Variants in KCNK13 observed in about 807,000 individuals in gnomAD.
KCNK13 encodes potassium two pore domain channel subfamily K member 13.
A neutral mutation model predicts 23.4 loss-of-function variants in KCNK13; 12 were observed. That is an observed-to-expected ratio of 0.51 (90% CI 0.33 to 0.83). KCNK13 has a LOEUF of 0.83. Among genes scored for constraint, KCNK13 ranks in the 40% least tolerant of loss-of-function variants. The pLI is 0.02. For missense variants in KCNK13, 463 were observed against 556.3 expected, an observed-to-expected ratio of 0.83 and a Z score of 1.69; for synonymous variants, 231 against 229.5, an observed-to-expected ratio of 1.01 and a Z score of -0.06.
chr14:90,092,936 C>CAAAAAAAAA, intron 1 of KCNK13, among the ~76,000 whole-genome samples: 1 of 115,218 alleles, frequency 8.7e-6, no homozygotes, highest in Non-Finnish European at 1.8e-5. Context: ...AAAAAAAAAG[C>CAAAAAAAAA]ATCACGATAC....
intron 1 of KCNK13, among the ~76,000 whole-genome samples, chr14:90,125,146 A>G (rs1214339604): frequency 2.0e-5 from 3 of 152,164 alleles, no homozygotes. Context: ...TTTTGTCAAA[A>G]TAATAGTAAT....
intron 1 of KCNK13, among the ~76,000 whole-genome samples, chr14:90,155,481 G>T (rs1890183391): frequency 6.6e-6 from 1 of 152,192 alleles, no homozygotes; most frequent in Non-Finnish European, 1.5e-5. Context: ...GTTTCTGAAG[G>T]ATGGCTCTGG....
chr14:90,079,628 G>T (rs1028831842), intron 1 of KCNK13, among the ~76,000 whole-genome samples: 1 of 152,176 alleles, frequency 6.6e-6, no homozygotes, highest in Non-Finnish European at 1.5e-5. Flanking sequence ...CACAAATAGT[G>T]TCTCCTATAA....
At chr14:90,101,599 C>T (rs527592856) in intron 1 of KCNK13, among the ~76,000 whole-genome samples, 134 of 151,528 alleles carry the variant, frequency 8.8e-4, no homozygotes, top group South Asian at 2.3e-3. Flanking sequence ...AACCACCCTG[C>T]GCAACATGGT....
chr14:90,164,387 G>T (rs1240709407), intron 1 of KCNK13, among the ~76,000 whole-genome samples: 1 of 152,178 alleles, frequency 6.6e-6, no homozygotes, highest in Non-Finnish European at 1.5e-5. Flanking sequence ...ATTTAGCTAT[G>T]CCTAGAAGGC....
intron 1 of KCNK13, among the ~76,000 whole-genome samples, chr14:90,097,476 T>TCTGC (rs1409449641): frequency 1.3e-5 from 2 of 152,080 alleles, no homozygotes; most frequent in Admixed American, 6.6e-5. Context: ...TCATGAGGGA[T>TCTGC]CTGCCCCCTG....
At chr14:90,166,985 A>G (rs1023192342) in intron 1 of KCNK13, among the ~76,000 whole-genome samples, 1 of 152,200 alleles carries the variant, frequency 6.6e-6, no homozygotes, top group Non-Finnish European at 1.5e-5. Context: ...TGAGGTTATT[A>G]ACTGGGTCTG....
intron 1 of KCNK13, among the ~76,000 whole-genome samples, chr14:90,104,446 C>T (rs908018374): frequency 6.6e-6 from 1 of 152,222 alleles, no homozygotes; most frequent in Admixed American, 6.5e-5. Flanking sequence ...ACCATTTTCT[C>T]TCTTGGCACA....
At chr14:90,071,907 A>G (rs1202949802) in intron 1 of KCNK13, among the ~76,000 whole-genome samples, 1 of 152,010 alleles carries the variant, frequency 6.6e-6, no homozygotes, top group African/African-American at 2.4e-5. Flanking sequence ...CAAAAAAAAA[A>G]AAGAGGGAAG....
chr14:90,151,769 T>A (rs1035628150), intron 1 of KCNK13, among the ~76,000 whole-genome samples: 2 of 152,220 alleles, frequency 1.3e-5, no homozygotes, highest in African/African-American at 4.8e-5. Context: ...GTCTTAATGT[T>A]TAAGTCTTCA....
Position 90,148,200 on chromosome 14 carries a change from AG to A in KCNK13, c.335-35907del, listed in dbSNP as rs529841015. 2.0e-4 allele frequency among the ~76,000 whole-genome samples: 31 copies of A among 152,290 alleles called. No individual in the cohort carries two copies. The East Asian group carries it at 5.6e-3, about 27-fold the overall frequency. ...TAATAATAACAAGTCTTAGGTTTAC[AG>A]GGGTCCCTTTTGGAGCTTTTATTCT... On this transcript the variant is annotated intron_variant, in intron 1 of 1. Coordinates refer to ENST00000282146, the MANE Select transcript of KCNK13 (RefSeq NM_022054.4).
chr14:90,147,459 G>C (rs1890086645), intron 1 of KCNK13, among the ~76,000 whole-genome samples: 1 of 151,722 alleles, frequency 6.6e-6, no homozygotes, highest in South Asian at 2.1e-4. Context: ...CTCCTGGTTT[G>C]TGATGTTTTT....
intron 1 of KCNK13, among the ~76,000 whole-genome samples, chr14:90,138,681 A>G (rs1373882578): frequency 6.6e-6 from 1 of 152,262 alleles, no homozygotes; most frequent in Non-Finnish European, 1.5e-5. Flanking sequence ...CAAAAATGCC[A>G]TGTACGGCTG....
At chr14:90,146,772 A>G (rs1890078112) in intron 1 of KCNK13, among the ~76,000 whole-genome samples, 1 of 151,918 alleles carries the variant, frequency 6.6e-6, no homozygotes, top group Non-Finnish European at 1.5e-5. Context: ...TACACTTAAT[A>G]TGTTTATTGG....
intron 1 of KCNK13, among the ~76,000 whole-genome samples, chr14:90,094,645 C>CTTTTTT (rs778654067): frequency 1.3e-4 from 15 of 111,648 alleles, no homozygotes; most frequent in Non-Finnish European, 2.0e-4. Flanking sequence ...TCTTTTTTTT[C>CTTTTTT]TTTTTTTTTT....
chr14:90,184,141 G>T lies in KCNK13; in HGVS notation c.365G>T (p.Gly122Val). The T allele has an allele frequency of 1.2e-6, 2 of 1,613,906 alleles. No homozygotes were observed. The highest frequency in any genetic ancestry group is 1.6e-4 in the Middle Eastern group (1 of 6,062). The change falls in exon 2 of 2, where the codon GGA becomes GTA. Residue 122 changes from glycine (G) to valine (V), a missense_variant. Around this residue, in one of 3 missense-constraint regions of KCNK13, gnomAD observed 144 missense variants for 224.0 expected, o/e 0.64. Coordinates refer to ENST00000282146, the MANE Select transcript of KCNK13 (RefSeq NM_022054.4). This position sits in a 1 kb window ranked among gnomAD's most constrained non-coding sequence, Gnocchi z 5.6. Reference protein sequence around the residue: ...GFGMTTPATVGGKIFLIFYGL... With the variant: ...GFGMTTPATVVGKIFLIFYGL... Reference sequence around the variant, plus strand: ...GGGATGACAACTCCGGCGACAGTAGGAGGAAAAATCTTTCTGATCTTTTAC... The same window carrying T: ...GGGATGACAACTCCGGCGACAGTAGTAGGAAAAATCTTTCTGATCTTTTAC...
intron 1 of KCNK13, among the ~76,000 whole-genome samples, chr14:90,121,864 C>A (rs763296156): frequency 6.6e-6 from 1 of 151,788 alleles, no homozygotes; most frequent in Admixed American, 6.6e-5. Flanking sequence ...GAATTACAGG[C>A]GTGCAACACC....
At chr14:90,122,944 T>C (rs1010092254) in intron 1 of KCNK13, among the ~76,000 whole-genome samples, 3 of 152,220 alleles carry the variant, frequency 2.0e-5, no homozygotes, top group Admixed American at 6.6e-5. Flanking sequence ...AGCACTCTCA[T>C]GGAGTGGCAT....
At chr14:90,117,461 G>A (rs1441204894) in intron 1 of KCNK13, among the ~76,000 whole-genome samples, 9 of 151,996 alleles carry the variant, frequency 5.9e-5, no homozygotes, top group African/African-American at 1.2e-4. Flanking sequence ...GTGGTGGCGC[G>A]CGCCTGTAGT....
Sources: allele counts gnomAD v4.1 joint callset (sites outside exome capture counted in the v4.1 genomes callset), GRCh38; gene constraint gnomAD v4.1.1; regional missense constraint gnomAD v4.1.1; non-coding constraint Gnocchi (gnomAD v3.1); transcripts MANE v1.5; gene names NCBI Gene and HGNC (gene_info 2026-07-23, HGNC 2026-07-21).